The following KIF13A variants were observed in gnomAD, a reference collection of about 807,000 sequenced individuals.
The protein encoded by KIF13A is kinesin-like protein KIF13A.
KIF13A carries 79 observed loss-of-function variants against 212.2 expected under a neutral mutation model. The observed-to-expected ratio is 0.37, with a 90% CI of 0.31 to 0.45. KIF13A has a LOEUF of 0.45. KIF13A is among the 20% of genes least tolerant of loss of function. KIF13A has a pLI of 1.00. For missense variants in KIF13A, 1,901 were observed against 2,209.0 expected (o/e 0.86, Z 2.79); for synonymous variants, 789 against 808.6 (o/e 0.98, Z 0.41).
intron 2 of KIF13A, among the ~76,000 whole-genome samples, chr6:17,906,905 T>C (rs1191519990): frequency 6.6e-6 from 1 of 152,102 alleles, no homozygotes; most frequent in East Asian, 1.9e-4. Context: ...AAGACACTCA[T>C]GGTCTGGATA....
At chr6:17,781,935 A>G (rs940361050) in intron 29 of KIF13A, among the ~76,000 whole-genome samples, 1 of 151,724 alleles carries the variant, frequency 6.6e-6, no homozygotes, top group Non-Finnish European at 1.5e-5. Context: ...CACAGCTTTT[A>G]TTCTTTTTTT....
chr6:17,855,238 G>A lies in KIF13A; in HGVS notation c.494+199C>T, dbSNP rs2150405742. Among the ~76,000 whole-genome samples, 1 of 152,230 alleles carries A rather than the reference G, an allele frequency of 6.6e-6. No homozygotes were observed. Among genetic ancestry groups the A allele is most frequent in the South Asian group, 2.1e-4 (1 of 4,820 alleles). ...AACATCTTTTCAAAGGGCATACATA[G>A]GCAACTTTATACATTAATGTAGGAT... On this transcript the variant is annotated intron_variant, in intron 6 of 38. Coordinates refer to ENST00000259711, the MANE Select transcript of KIF13A (RefSeq NM_022113.6). The surrounding 1 kb of genome is among the most constrained non-coding windows in gnomAD (Gnocchi z 4.1).
intron 3 of KIF13A, among the ~76,000 whole-genome samples, chr6:17,887,204 G>A (rs1442122286): frequency 6.6e-6 from 1 of 152,124 alleles, no homozygotes; most frequent in Non-Finnish European, 1.5e-5. Flanking sequence ...CACAGTATTA[G>A]CAAGTCCCAG....
Position 17,794,352 on chromosome 6 carries a change from T to A in KIF13A, c.3119A>T (p.His1040Leu), listed in dbSNP as rs1189716618. The change falls in exon 25 of 39, where the codon CAT becomes CTT. Residue 1040 changes from histidine (H) to leucine (L), a missense_variant. Around this residue, in one of 5 missense-constraint regions of KIF13A, gnomAD observed 168 missense variants for 250.9 expected, o/e 0.67. Transcript: ENST00000259711. The surrounding 1 kb of genome is among the most constrained non-coding windows in gnomAD (Gnocchi z 4.1). ...AACCATAAGTGGCAGTGTCCCTGAA[T>A]GCTGCACAGGTTTCACCGTGACTTG... ...RVQVTVKPVQ[H>L]SGTLPLMVEA... 1 of 1,613,460 alleles carries A rather than the reference T, an allele frequency of 6.2e-7. No homozygotes were observed. Among genetic ancestry groups the A allele is most frequent in the Non-Finnish European group, 8.5e-7 (1 of 1,179,562 alleles).
chr6:17,961,942 G>T lies in KIF13A; in HGVS notation c.146+25112C>A, dbSNP rs116557232. Among the ~76,000 whole-genome samples, 1 of 152,204 alleles carries T rather than the reference G, an allele frequency of 6.6e-6. No homozygotes were observed. The highest frequency in any genetic ancestry group is 2.4e-5 in the African/African-American group (1 of 41,434). On this transcript the variant is annotated intron_variant, in intron 2 of 38. Transcript: ENST00000259711. This position sits in a 1 kb window ranked among gnomAD's most constrained non-coding sequence, Gnocchi z 4.1. ...AATTGGGATACATTTGACAATCAAG[G>T]TTTAATAGTTCAACGGGCAATGGTT...
At chr6:17,878,349 T>G (rs1475455184) in intron 3 of KIF13A, among the ~76,000 whole-genome samples, 1 of 152,242 alleles carries the variant, frequency 6.6e-6, no homozygotes, top group South Asian at 2.1e-4. Flanking sequence ...GAATAATCAT[T>G]TATTCACTTC....
At chr6:17,796,853 G>A in intron 22 of KIF13A, 33 bp from the exon 23 acceptor site, 2 of 1,394,596 alleles carry the variant, frequency 1.4e-6, no homozygotes, top group Admixed American at 2.6e-5. Context: ...AAAGAATTAT[G>A]CTTAAAGGAG....
chr6:17,948,863 G>GCCCA (rs1777636320), intron 2 of KIF13A, among the ~76,000 whole-genome samples: 1 of 151,950 alleles, frequency 6.6e-6, no homozygotes, highest in Non-Finnish European at 1.5e-5. Flanking sequence ...ACCTCGCCTG[G>GCCCA]CCCAAACATC....
chr6:17,977,449 T>C (rs1227774953), intron 2 of KIF13A, among the ~76,000 whole-genome samples: 1 of 152,248 alleles, frequency 6.6e-6, no homozygotes, highest in Non-Finnish European at 1.5e-5. Flanking sequence ...TTCATGAAGA[T>C]GCTCTTATTT....
rs768798228 is a variant in KIF13A, at chr6:17,780,914, T to A, written c.3670-8A>T. On this transcript the variant is annotated splice_region_variant and splice_polypyrimidine_tract_variant and intron_variant, in intron 30 of 38. Transcript: ENST00000259711. ...AGAGGCTGTGGCTGAAACCTAGGAG[T>A]TGGGGAATGATGAGGAGATGGAAAC... 3 of 1,610,192 alleles carry A rather than the reference T, an allele frequency of 1.9e-6. No individual in the cohort carries two copies. The Admixed American group carries it at 5.0e-5, about 27-fold the overall frequency.
At chr6:17,980,871 G>A (rs1168067037) in intron 2 of KIF13A, among the ~76,000 whole-genome samples, 1 of 152,110 alleles carries the variant, frequency 6.6e-6, no homozygotes, top group African/African-American at 2.4e-5. Flanking sequence ...ATTTGGGGGT[G>A]AGGTGAGAAT....
chr6:17,801,257 C>T (rs376771100), intron 20 of KIF13A, among the ~76,000 whole-genome samples: 6 of 151,628 alleles, frequency 4.0e-5, no homozygotes, highest in African/African-American at 1.2e-4. Flanking sequence ...TTTGGGAGGC[C>T]GAGGCGGGTG....
At chr6:17,788,194 C>T (rs1561972888) in intron 26 of KIF13A, among the ~76,000 whole-genome samples, 1 of 152,046 alleles carries the variant, frequency 6.6e-6, no homozygotes, top group Non-Finnish European at 1.5e-5. Flanking sequence ...CGTAGCTATT[C>T]ATTGCAGGAT....
intron 2 of KIF13A, among the ~76,000 whole-genome samples, chr6:17,945,532 T>A (rs949065191): frequency 6.6e-6 from 1 of 151,896 alleles, no homozygotes; most frequent in Admixed American, 6.6e-5. Context: ...GAAAAAAAAA[T>A]TTTAAGTACC....
chr6:17,780,026 G>A (rs142498342), intron 31 of KIF13A, among the ~76,000 whole-genome samples: 20 of 151,918 alleles, frequency 1.3e-4, no homozygotes, highest in African/African-American at 4.3e-4. Flanking sequence ...GACTACAGGC[G>A]TGAGCCACCG....
At chr6:17,796,559 T>A (rs1275076879) in intron 23 of KIF13A, 110 bp downstream of exon 23, 17 of 699,098 alleles carry the variant, frequency 2.4e-5, no homozygotes, top group South Asian at 1.0e-4. Context: ...TTTTTTTTTT[T>A]AAATGATTTT....
Position 17,829,287 on chromosome 6 carries a change from A to G in KIF13A, c.1402-917T>C, listed in dbSNP as rs1765229874. ...CATACAACCCTTAGCCCTCAGGGCT[A>G]TAATATCATTACATGTCTCATAGAC... On this transcript the variant is annotated intron_variant, in intron 13 of 38. Transcript: ENST00000259711. This position sits in a 1 kb window ranked among gnomAD's most constrained non-coding sequence, Gnocchi z 5.4. Among the ~76,000 whole-genome samples the G allele has an allele frequency of 6.6e-6, 1 of 152,220 alleles. No homozygotes were observed.
rs1762000030 is a variant in KIF13A at position 17,796,005 on chromosome 6, A to G, written c.2942+664T>C. 2.0e-5 allele frequency among the ~76,000 whole-genome samples: 3 copies of G among 152,294 alleles called. No homozygotes were observed. The South Asian group carries it at 6.2e-4, about 32-fold the overall frequency. ...ACAAGGGTGATTTTTCTCCACATAG[A>G]GATGTAGTTGTTTCAGTCTCATTTG... On this transcript the variant is annotated intron_variant, in intron 23 of 38. Coordinates refer to ENST00000259711, the MANE Select transcript of KIF13A (RefSeq NM_022113.6).
chr6:17,975,564 T>C (rs753396987), intron 2 of KIF13A, among the ~76,000 whole-genome samples: 4 of 152,136 alleles, frequency 2.6e-5, no homozygotes, highest in Admixed American at 6.5e-5. Context: ...AAGCTTCCAG[T>C]ACAGAACAAA....
Sources: gnomAD v4.1 joint callset for allele counts (sites outside exome capture counted in the v4.1 genomes callset) on GRCh38, gnomAD v4.1.1 for gene constraint, gnomAD v4.1.1 regional missense constraint, Gnocchi (gnomAD v3.1) non-coding constraint, MANE v1.5 for transcripts, NCBI Gene and HGNC (gene_info 2026-07-23, HGNC 2026-07-21) for gene names.